The following ACTN4 variants were observed in gnomAD, a reference collection of about 807,000 sequenced individuals.
ACTN4 encodes the protein alpha-actinin-4.
A neutral mutation model predicts 114.2 loss-of-function variants in ACTN4; 18 were observed. That is an observed-to-expected ratio of 0.16 (90% CI 0.11 to 0.23). The LOEUF is 0.23. ACTN4 is among the 10% of genes least tolerant of loss of function. The pLI is 1.00. For missense variants in ACTN4, 722 were observed against 1,262.9 expected, an observed-to-expected ratio of 0.57 and a Z score of 6.49; for synonymous variants, 515 against 506.3, an observed-to-expected ratio of 1.02 and a Z score of -0.23.
chr19:38,704,613 C>CA (rs1162205878), intron 3 of ACTN4, among the ~76,000 whole-genome samples: 1 of 152,218 alleles, frequency 6.6e-6, no homozygotes, highest in Non-Finnish European at 1.5e-5. Flanking sequence ...GAACAGAGGC[C>CA]ACACGCCTGG....
intron 1 of ACTN4, among the ~76,000 whole-genome samples, chr19:38,671,652 T>A (rs1046853533): frequency 6.6e-6 from 1 of 152,212 alleles, no homozygotes; most frequent in Non-Finnish European, 1.5e-5. Context: ...ATTTGTTGAC[T>A]TGGAAACAAA....
intron 17 of ACTN4, 99 bp from the exon 18 acceptor site, chr19:38,726,858 C>T: frequency 6.5e-7 from 1 of 1,546,494 alleles, no homozygotes. Flanking sequence ...CAGGGGCTTT[C>T]CCCAGGGCGG....
In ACTN4 at chr19:38,725,822, C is replaced by G. The variant is rs1414849138; in HGVS notation, c.2109C>G (p.Asn703Lys). Residue 703 changes from asparagine to lysine, a missense_variant, in exon 17 of 21, where the codon AAC (asparagine) becomes AAG (lysine). Around this residue, in one of 3 missense-constraint regions of ACTN4, gnomAD observed 523 missense variants for 875.9 expected, o/e 0.60. Coordinates refer to ENST00000252699, the MANE Select transcript of ACTN4 (RefSeq NM_004924.6). ...YERSIVDYKP[N>K]LDLLEQQHQL... ...GCAGCATCGTGGACTACAAGCCCAA[C>G]CTGGACCTGCTGGAGCAGCAGCACC... The G allele has an allele frequency of 1.2e-6, 2 of 1,614,074 alleles. No homozygotes were observed. The highest frequency in any genetic ancestry group is 1.7e-6 in the Non-Finnish European group (2 of 1,180,052).
intron 1 of ACTN4, among the ~76,000 whole-genome samples, chr19:38,648,693 C>A (rs1976463786): frequency 6.6e-6 from 1 of 151,274 alleles, no homozygotes. Context: ...GTGCCCTGTT[C>A]CAAAGGGGAG....
intron 1 of ACTN4, among the ~76,000 whole-genome samples, chr19:38,697,246 G>T (rs1240026839): frequency 6.6e-6 from 1 of 152,226 alleles, no homozygotes; most frequent in Non-Finnish European, 1.5e-5. Context: ...TCCACAGGGT[G>T]GGGTGGGGCC....
Position 38,655,352 on chromosome 19 carries a change from G to C in ACTN4, c.162+7445G>C, listed in dbSNP as rs148487833. Among the ~76,000 whole-genome samples the C allele has an allele frequency of 3.1e-3, 467 of 152,302 alleles. 4 individuals carry two copies. Among genetic ancestry groups the C allele is most frequent in the African/African-American group, 0.011 (453 of 41,556 alleles). On this transcript the variant is annotated intron_variant, in intron 1 of 20. Transcript: ENST00000252699. ...GTTAGAAAGGGATTGGCAAGTGTTG[G>C]TGAGGTGTTAAAGACCCACCAGCAC...
chr19:38,723,096 A>C (rs1260745107), intron 12 of ACTN4, among the ~76,000 whole-genome samples: 1 of 152,232 alleles, frequency 6.6e-6, no homozygotes, highest in Non-Finnish European at 1.5e-5. Context: ...GAGGGAACCG[A>C]GGCACAGAGA....
chr19:38,673,517 T>TCATATATATTTATTTATATGAATA (rs1555826155), intron 1 of ACTN4, among the ~76,000 whole-genome samples: 1 of 80,392 alleles, frequency 1.2e-5, no homozygotes, highest in Non-Finnish European at 2.6e-5. Flanking sequence ...GAATATATAT[T>TCATATATATTTATTTATATGAATA]TATATATATT....
At chr19:38,685,747 G>C (rs1205034012) in intron 1 of ACTN4, among the ~76,000 whole-genome samples, 1 of 152,098 alleles carries the variant, frequency 6.6e-6, no homozygotes, top group Non-Finnish European at 1.5e-5. Context: ...TAGCTGGGAT[G>C]CCCACCCTGA....
In ACTN4 at chr19:38,730,862, G is replaced by A; in HGVS notation, c.*1430G>A. 2 of 1,551,418 alleles carry A rather than the reference G, an allele frequency of 1.3e-6. No individual in the cohort carries two copies. The highest frequency in any genetic ancestry group is 1.7e-6 in the Non-Finnish European group (2 of 1,147,420). ...GCCCATCCGGAGATCCTAGGAGAAG[G>A]TGGCCACCTCCATCCACTAAGGAAG... On this transcript the variant is annotated 3_prime_UTR_variant, in exon 21 of 21. Coordinates refer to ENST00000252699, the MANE Select transcript of ACTN4 (RefSeq NM_004924.6).
chr19:38,692,099 C>T (rs774270169), intron 1 of ACTN4, among the ~76,000 whole-genome samples: 8 of 152,222 alleles, frequency 5.3e-5, no homozygotes, highest in Non-Finnish European at 1.2e-4. Context: ...TCTTCTCCAA[C>T]TGCGAAGTCA....
chr19:38,657,586 G>A (rs182259345), intron 1 of ACTN4, among the ~76,000 whole-genome samples: 68 of 152,306 alleles, frequency 4.5e-4, no homozygotes, highest in Middle Eastern at 3.4e-3. Context: ...CTTAATTACA[G>A]CTATACAGAT....
chr19:38,658,717 C>A (rs1408264374), intron 1 of ACTN4, among the ~76,000 whole-genome samples: 1 of 152,170 alleles, frequency 6.6e-6, no homozygotes, highest in African/African-American at 2.4e-5. Context: ...CAAGGGCAGT[C>A]AGATGAATCG....
rs543103170 is a variant in ACTN4, at chr19:38,723,803, G to A, written c.1551+81G>A. On this transcript the variant is annotated intron_variant, in intron 13 of 20. Coordinates refer to ENST00000252699, the MANE Select transcript of ACTN4 (RefSeq NM_004924.6). ...GGTGGTGTGGATAGTGTCCAGACCT[G>A]TGAGCTCCCCCCACCTCCCACGGAG... 51 of 1,464,414 alleles carry A rather than the reference G, an allele frequency of 3.5e-5. No homozygotes were observed. In the African/African-American group the frequency reaches 5.0e-4, roughly 14 times the overall value. 90.7% of individuals were successfully genotyped at this position (1,464,414 alleles called of 1,614,324 possible). A position where few individuals can be genotyped will look rare whatever the true frequency, so the allele number is the denominator to read the frequency against.
Position 38,704,662 on chromosome 19 carries a change from AGGAG to A in ACTN4, c.398-271_398-268del, listed in dbSNP as rs3217235. Among the ~76,000 whole-genome samples, 54,906 of 151,752 alleles carry A rather than the reference AGGAG, an allele frequency of 0.36. 11,426 individuals are homozygous for A. The highest frequency in any genetic ancestry group is 0.46 in the Non-Finnish European group (31,419 of 67,752). ...GAGGAGCGGTTTTTTGAGTTGGGTCAGGAGAAGGAGCTGGCTGCGGGGCCAGGGA... is the reference window on the plus strand; with the variant it reads ...GAGGAGCGGTTTTTTGAGTTGGGTCAAAGGAGCTGGCTGCGGGGCCAGGGA... On this transcript the variant is annotated intron_variant, in intron 3 of 20. Transcript: ENST00000252699.
chr19:38,692,895 A>G (rs927852574), intron 1 of ACTN4, among the ~76,000 whole-genome samples: 1 of 152,048 alleles, frequency 6.6e-6, no homozygotes, highest in Non-Finnish European at 1.5e-5. Flanking sequence ...CCCTCAAAGC[A>G]ACTGATGCCC....
intron 1 of ACTN4, among the ~76,000 whole-genome samples, chr19:38,662,772 C>T (rs894383420): frequency 6.6e-6 from 1 of 152,130 alleles, no homozygotes; most frequent in Admixed American, 6.5e-5. Context: ...CTCCAAGCTG[C>T]TGCAGATAGG....
intron 1 of ACTN4, among the ~76,000 whole-genome samples, chr19:38,689,835 G>A (rs775624948): frequency 2.0e-5 from 3 of 151,996 alleles, no homozygotes; most frequent in African/African-American, 4.8e-5. Flanking sequence ...CACCATGCCC[G>A]GCTACTTTTT....
At chr19:38,659,056 T>C (rs1283108803) in intron 1 of ACTN4, among the ~76,000 whole-genome samples, 1 of 110,830 alleles carries the variant, frequency 9.0e-6, no homozygotes, top group Non-Finnish European at 2.0e-5. Flanking sequence ...TTTTTTCTTC[T>C]TTTCTTTTCT....
Sources: allele counts gnomAD v4.1 joint callset (sites outside exome capture counted in the v4.1 genomes callset), GRCh38; gene constraint gnomAD v4.1.1; regional missense constraint gnomAD v4.1.1; transcripts MANE v1.5; gene names NCBI Gene and HGNC (gene_info 2026-07-23, HGNC 2026-07-21).